The following ERBB4 variants were observed in gnomAD, a reference collection of about 807,000 sequenced individuals.
ERBB4 encodes the protein erb-b2 receptor tyrosine kinase 4, also known as receptor tyrosine-protein kinase erbB-4.
Under a neutral mutation model 158.0 loss-of-function variants are expected in ERBB4, and 42 were observed. The observed-to-expected ratio is 0.27, with a 90% CI of 0.21 to 0.34. ERBB4 has a LOEUF of 0.34. Ranked by LOEUF, ERBB4 falls within the 10% of genes least tolerant of loss-of-function variation. The pLI, the probability that ERBB4 is intolerant of heterozygous loss-of-function variation, is 1.00. For missense variants in ERBB4, 1,333 were observed against 1,624.1 expected (o/e 0.82, Z 3.08); for synonymous variants, 583 against 558.7 (o/e 1.04, Z -0.61).
intron 19 of ERBB4, among the ~76,000 whole-genome samples, chr2:211,569,274 CTT>C (rs1434318026): frequency 6.6e-6 from 1 of 152,188 alleles, no homozygotes; most frequent in Non-Finnish European, 1.5e-5. Context: ...TGTTTTCCCT[CTT>C]TTTTCTTCCA....
At chr2:211,592,250 T>G (rs564069627) in intron 19 of ERBB4, among the ~76,000 whole-genome samples, 1 of 152,240 alleles carries the variant, frequency 6.6e-6, no homozygotes, top group South Asian at 2.1e-4. Flanking sequence ...CTCGCCACAG[T>G]ATCTTATCAG....
intron 20 of ERBB4, among the ~76,000 whole-genome samples, chr2:211,554,637 C>T (rs1483594917): frequency 6.6e-6 from 1 of 152,232 alleles, no homozygotes; most frequent in Non-Finnish European, 1.5e-5. Context: ...GTGATGGAAC[C>T]TTGGTCCCAG....
At chr2:211,673,381 G>A (rs2071920999) in intron 13 of ERBB4, 124 bp from the exon 14 acceptor site, 1 of 730,420 alleles carries the variant, frequency 1.4e-6, no homozygotes. Context: ...CTATGTGCCA[G>A]GAGCATCAGA....
chr2:212,464,717 A>T (rs1182322808), intron 1 of ERBB4, among the ~76,000 whole-genome samples: 1 of 152,084 alleles, frequency 6.6e-6, no homozygotes, highest in Non-Finnish European at 1.5e-5. Flanking sequence ...ATTGACCCCA[A>T]ATAAGTTTTG....
intron 1 of ERBB4, among the ~76,000 whole-genome samples, chr2:212,449,444 A>G (rs2106014819): frequency 6.6e-6 from 1 of 152,276 alleles, no homozygotes; most frequent in Middle Eastern, 3.4e-3. Flanking sequence ...TGAAAGAAAA[A>G]GCTAATTAAA....
intron 2 of ERBB4, among the ~76,000 whole-genome samples, chr2:212,019,758 T>TAAAAAAAAAAAAAAAAAAAAGAAAAAAA (rs368132533): frequency 9.4e-6 from 1 of 106,264 alleles, no homozygotes; most frequent in Non-Finnish European, 1.8e-5. Flanking sequence ...CAACATTCTG[T>TAAAAAAAAAAAAAAAAAAAAGAAAAAAA]AAAAAAAAAA....
chr2:211,815,201 C>G (rs1285217596), intron 3 of ERBB4, among the ~76,000 whole-genome samples: 2 of 152,148 alleles, frequency 1.3e-5, no homozygotes, highest in African/African-American at 2.4e-5. Flanking sequence ...GAAAGTAACT[C>G]ATAGGGTTAT....
chr2:211,476,561 A>T (rs542239575), intron 20 of ERBB4, among the ~76,000 whole-genome samples: 159 of 126,934 alleles, frequency 1.3e-3, no homozygotes, highest in African/African-American at 6.8e-3. Context: ...ACTATAAATA[A>T]AAAATGAAGA....
intron 1 of ERBB4, among the ~76,000 whole-genome samples, chr2:212,525,089 A>G (rs1692377753): frequency 6.6e-6 from 1 of 152,054 alleles, no homozygotes; most frequent in Non-Finnish European, 1.5e-5. Flanking sequence ...GAAATACACT[A>G]CTTGAATATT....
In ERBB4 at chr2:211,927,498, C is replaced by A. The variant is rs192377123; in HGVS notation, c.421+19932G>T. Reference sequence around the variant, plus strand: ...AAAGGATGTTTGTTTTCATTCTAGCCTTGGAAACAATGAGAAGGTTTCATC... The same window carrying A: ...AAAGGATGTTTGTTTTCATTCTAGCATTGGAAACAATGAGAAGGTTTCATC... On this transcript the variant is annotated intron_variant, in intron 3 of 27. Transcript: ENST00000342788. 6.8e-4 allele frequency among the ~76,000 whole-genome samples: 103 copies of A among 152,160 alleles called. 1 individual carries two copies. The highest frequency in any genetic ancestry group is 3.4e-3 in the Middle Eastern group (1 of 294).
At chr2:212,320,930 A>G (rs1012878420) in intron 1 of ERBB4, among the ~76,000 whole-genome samples, 1 of 150,270 alleles carries the variant, frequency 6.7e-6, no homozygotes, top group African/African-American at 2.4e-5. Context: ...GAAACAAAAG[A>G]AAACCTGAAA....
intron 3 of ERBB4, among the ~76,000 whole-genome samples, chr2:211,853,422 C>G (rs2106041095): frequency 6.6e-6 from 1 of 152,102 alleles, no homozygotes; most frequent in South Asian, 2.1e-4. Context: ...ACTTGTATGA[C>G]TTGCATTAAA....
At chr2:211,639,902 T>C (rs1210271440) in intron 16 of ERBB4, among the ~76,000 whole-genome samples, 3 of 152,092 alleles carry the variant, frequency 2.0e-5, no homozygotes, top group Admixed American at 2.0e-4. Context: ...TTTGTATTTT[T>C]AGTAGAGACA....
intron 1 of ERBB4, among the ~76,000 whole-genome samples, chr2:212,371,749 G>A (rs2090094737): frequency 6.6e-6 from 1 of 152,080 alleles, no homozygotes; most frequent in Non-Finnish European, 1.5e-5. Context: ...GGAACCTGAG[G>A]ATCAGCGCAC....
At chr2:211,674,191 A>T (rs1254067661) in intron 13 of ERBB4, among the ~76,000 whole-genome samples, 1 of 152,166 alleles carries the variant, frequency 6.6e-6, no homozygotes, top group East Asian at 1.9e-4. Context: ...CAAATCATTA[A>T]TAAAATTTGA....
chr2:211,553,289 T>C (rs1468181801), intron 20 of ERBB4, among the ~76,000 whole-genome samples: 2 of 152,028 alleles, frequency 1.3e-5, no homozygotes, highest in Non-Finnish European at 2.9e-5. Context: ...ATTTTTAACA[T>C]AAAAATTAGA....
At chr2:212,217,481 C>CAATTTAATTAAATTCAATTA (rs2083137810) in intron 1 of ERBB4, among the ~76,000 whole-genome samples, 1 of 151,108 alleles carries the variant, frequency 6.6e-6, no homozygotes, top group Admixed American at 6.6e-5. Context: ...AAAGGGCAGA[C>CAATTTAATTAAATTCAATTA]AATTTAATTT....
chr2:211,675,146 A>G (rs2072008717), intron 13 of ERBB4, among the ~76,000 whole-genome samples: 1 of 152,120 alleles, frequency 6.6e-6, no homozygotes, highest in African/African-American at 2.4e-5. Flanking sequence ...TGACTTTGCC[A>G]GAGTCACCCT....
chr2:212,347,021 T>C (rs751825215), intron 1 of ERBB4, among the ~76,000 whole-genome samples: 3 of 152,122 alleles, frequency 2.0e-5, no homozygotes, highest in African/African-American at 4.8e-5. Flanking sequence ...TGGCAGAACA[T>C]GAACTTGTGT....
Sources: allele counts gnomAD v4.1 joint callset (sites outside exome capture counted in the v4.1 genomes callset), GRCh38; gene constraint gnomAD v4.1.1; transcripts MANE v1.5; gene names NCBI Gene and HGNC (gene_info 2026-07-23, HGNC 2026-07-21).